ITGAD: variants seen among roughly 807,000 people sequenced by gnomAD.
The protein encoded by ITGAD is integrin subunit alpha D, also known as integrin alpha-D.
Under a neutral mutation model 139.0 loss-of-function variants are expected in ITGAD, and 105 were observed. That is an observed-to-expected ratio of 0.76 (90% confidence interval 0.65 to 0.89). ITGAD has a LOEUF of 0.89. Among genes scored for constraint, ITGAD ranks in the 40% least tolerant of loss-of-function variants. The pLI is 0.00. For missense variants in ITGAD, 1,384 were observed against 1,487.3 expected (o/e 0.93, Z 1.14); for synonymous variants, 569 against 598.3 (o/e 0.95, Z 0.71).
Position 31,410,491 on chromosome 16 carries a change from C to T in ITGAD, c.1180C>T (p.Gln394Ter), listed in dbSNP as rs762632252. 3 of 1,613,680 alleles carry T rather than the reference C, an allele frequency of 1.9e-6. No individual in the cohort carries two copies. Among genetic ancestry groups the T allele is most frequent in the Non-Finnish European group, 1.7e-6 (2 of 1,179,904 alleles). ...NMSPTFINMS[Q>*]ENVDMRDSYL... ...GAGCCCCACCTTCATCAACATGTCT[C>T]AGGAGAATGTGGACATGAGGGACTC... The change falls in exon 11 of 30, where the codon CAG becomes TAG. Residue 394 changes from glutamine to a stop codon, truncating the protein, a stop_gained. Transcript: ENST00000389202. LOFTEE classifies it high-confidence loss of function.
chr16:31,420,726 C>T (rs1476478842), intron 23 of ITGAD, among the ~76,000 whole-genome samples: 1 of 152,162 alleles, frequency 6.6e-6, no homozygotes, highest in African/African-American at 2.4e-5. Context: ...AGGCATGTGC[C>T]ACCATGCCTG....
chr16:31,396,647 G>A (rs1368965334), intron 2 of ITGAD, among the ~76,000 whole-genome samples: 1 of 152,202 alleles, frequency 6.6e-6, no homozygotes, highest in African/African-American at 2.4e-5. Flanking sequence ...GCACCTAGAA[G>A]GAACCCTCAC....
chr16:31,412,730 C>T (rs2081761795), intron 14 of ITGAD, 108 bp from the exon 15 acceptor site: 1 of 1,390,028 alleles, frequency 7.2e-7, no homozygotes, highest in Admixed American at 1.8e-5. Flanking sequence ...TCACAGCTCA[C>T]CCCTTCTCTC....
intron 29 of ITGAD, 51 bp downstream of exon 29, chr16:31,424,628 A>G (rs1057099874): frequency 1.6e-6 from 2 of 1,231,630 alleles, no homozygotes; most frequent in Non-Finnish European, 2.3e-6. Flanking sequence ...TGGAGTTTCC[A>G]CTCTTACTGC....
Position 31,412,753 on chromosome 16 carries a change from TCCTA to T in ITGAD, c.1708-81_1708-78del. 6 of 1,562,330 alleles carry T rather than the reference TCCTA, an allele frequency of 3.8e-6. No homozygotes were observed. The South Asian group carries it at 5.8e-5, about 15-fold the overall frequency. Reference sequence around the variant, plus strand: ...CACCCCTTCTCTCCCTTTGCCACCATCCTACCTCCATATTCCCCTTGTTACTTAT... The same window carrying T: ...CACCCCTTCTCTCCCTTTGCCACCATCCTCCATATTCCCCTTGTTACTTAT... On this transcript the variant is annotated intron_variant, in intron 14 of 29. Transcript: ENST00000389202.
chr16:31,414,774 G>A, intron 17 of ITGAD, 86 bp from the exon 18 acceptor site: 2 of 1,575,370 alleles, frequency 1.3e-6, no homozygotes, highest in East Asian at 2.2e-5. Flanking sequence ...GCACTGTCAG[G>A]GCAGTGGGGA....
intron 10 of ITGAD, among the ~76,000 whole-genome samples, chr16:31,410,008 T>C (rs1231747416): frequency 6.6e-6 from 1 of 151,714 alleles, no homozygotes; most frequent in East Asian, 1.9e-4. Flanking sequence ...GGAGGTGTCC[T>C]GGCCAAAGGC....
At chr16:31,400,501 C>A (rs1010544490) in intron 5 of ITGAD, among the ~76,000 whole-genome samples, 1 of 152,196 alleles carries the variant, frequency 6.6e-6, no homozygotes, top group African/African-American at 2.4e-5. Flanking sequence ...AGGCCACACA[C>A]CCCCCATGAG....
At position 31,395,977 on chromosome 16, in the gene ITGAD, T is replaced by C. The variant is rs536528830; in HGVS notation, c.138-1382T>C. Among the ~76,000 whole-genome samples the C allele has an allele frequency of 1.2e-4, 18 of 152,236 alleles. No individual in the cohort carries two copies. In the East Asian group the frequency reaches 3.5e-3, roughly 29 times the overall value. ...TTCTTTATTTGGAAATGTGGTCAAC[T>C]GAGGTGCACAAATCTGAAAGACCCA... On this transcript the variant is annotated intron_variant, in intron 2 of 29. Transcript: ENST00000389202.
At chr16:31,397,942 A>G (rs1234460856) in intron 5 of ITGAD, 33 bp downstream of exon 5, 1 of 1,533,624 alleles carries the variant, frequency 6.5e-7, no homozygotes, top group South Asian at 1.2e-5. Flanking sequence ...TTCCCTGTGG[A>G]GCACATGCTG....
chr16:31,409,113 C>A (rs146251168), intron 10 of ITGAD, among the ~76,000 whole-genome samples: 1 of 151,882 alleles, frequency 6.6e-6, no homozygotes, highest in Non-Finnish European at 1.5e-5. Flanking sequence ...GCCAACATGG[C>A]GAAACCCCAC....
At chr16:31,401,215 C>G (rs142664786) in intron 5 of ITGAD, among the ~76,000 whole-genome samples, 8 of 152,258 alleles carry the variant, frequency 5.3e-5, no homozygotes, top group African/African-American at 1.9e-4. Context: ...GACCTGTGAT[C>G]ACACCACCAC....
intron 15 of ITGAD, 27 bp downstream of exon 15, chr16:31,412,995 C>G: frequency 1.2e-6 from 2 of 1,602,296 alleles, no homozygotes; most frequent in Non-Finnish European, 1.7e-6. Flanking sequence ...ATCCTGCCCT[C>G]CCGCGCTGTG....
At chr16:31,410,132 T>C (rs1324693169) in intron 10 of ITGAD, among the ~76,000 whole-genome samples, 1 of 151,574 alleles carries the variant, frequency 6.6e-6, no homozygotes, top group Non-Finnish European at 1.5e-5. Flanking sequence ...CACATTTGGG[T>C]TTGGGAAAGC....
chr16:31,411,303 A>G lies in ITGAD; in HGVS notation c.1498-5A>G. 6.2e-7 allele frequency: 1 copy of G among 1,610,678 alleles called. No individual in the cohort carries two copies. The highest frequency in any genetic ancestry group is 1.1e-5 in the South Asian group (1 of 90,900). ...TTGGGGTCTGACACTGCTTGTGTTC[A>G]GCAGAGGGTGCAGTGGCAGTGTGAC... On this transcript the variant is annotated splice_region_variant and splice_polypyrimidine_tract_variant and intron_variant, in intron 13 of 29. Transcript: ENST00000389202.
At chr16:31,399,089 G>A (rs953788085) in intron 5 of ITGAD, among the ~76,000 whole-genome samples, 3 of 152,142 alleles carry the variant, frequency 2.0e-5, no homozygotes, top group Admixed American at 6.5e-5. Flanking sequence ...AGAGAACAGG[G>A]CCTGGGGACA....
chr16:31,426,014 G>T lies in ITGAD; in HGVS notation c.3373-1G>T. 2 of 1,607,402 alleles carry T rather than the reference G, an allele frequency of 1.2e-6. No homozygotes were observed. The highest frequency in any genetic ancestry group is 3.3e-5 in the Admixed American group (2 of 59,982). On this transcript the variant is annotated splice_acceptor_variant, in intron 29 of 29. Transcript: ENST00000389202. LOFTEE classifies it high-confidence loss of function. The stretch of plus-strand genomic sequence containing the variant: ...CTTTTCTAATTTATTTCCCCTGATA[G>T]CTTGGCTTCTTCAAACGCCACTACA...
In ITGAD at chr16:31,410,543, T is replaced by TTGGG; in HGVS notation, c.1213+20_1213+23dup. 6.2e-7 allele frequency: 1 copy of TTGGG among 1,610,130 alleles called. No individual in the cohort carries two copies. Among genetic ancestry groups the TTGGG allele is most frequent in the Non-Finnish European group, 8.5e-7 (1 of 1,178,702 alleles). On this transcript the variant is annotated intron_variant, in intron 11 of 29. Transcript: ENST00000389202. ...TACCTGGGTGAGAAACGGCCAGGGG[T>TTGGG]TGGGGACAGGTTGGAGATGCACTGC... is the stretch of plus-strand genomic sequence containing the variant.
Position 31,407,756 on chromosome 16 carries a change from T to C in ITGAD, c.859-10T>C. On this transcript the variant is annotated splice_polypyrimidine_tract_variant and intron_variant, in intron 8 of 29. Coordinates refer to ENST00000389202, the MANE Select transcript of ITGAD (RefSeq NM_005353.3). ...TGGGCTCATCCTCCTCGGCTGTCTC[T>C]CTGCTGCAGGTGGGACACGCTTTCC... is the stretch of plus-strand genomic sequence containing the variant. 1 of 1,613,832 alleles carries C rather than the reference T, an allele frequency of 6.2e-7. No homozygotes were observed. The highest frequency in any genetic ancestry group is 8.5e-7 in the Non-Finnish European group (1 of 1,179,730).
Sources: allele counts gnomAD v4.1 joint callset (sites outside exome capture counted in the v4.1 genomes callset), GRCh38; gene constraint gnomAD v4.1.1; transcripts MANE v1.5; gene names NCBI Gene and HGNC (gene_info 2026-07-23, HGNC 2026-07-21).